The following SHANK2 variants were observed in gnomAD, a reference collection of about 807,000 sequenced individuals.
The protein encoded by SHANK2 is SH3 and multiple ankyrin repeat domains 2.
SHANK2 carries 43 observed loss-of-function variants against 133.7 expected under a neutral mutation model. The ratio of observed to expected loss-of-function variants is 0.32; its 90% CI spans 0.25 to 0.41. SHANK2 has a LOEUF of 0.41. Ranked by LOEUF, SHANK2 falls within the 10% of genes least tolerant of loss-of-function variation. SHANK2 has a pLI of 1.00. For missense variants in SHANK2, 1,994 were observed against 2,235.8 expected, an observed-to-expected ratio of 0.89 and a Z score of 2.18; for synonymous variants, 1,017 against 952.8, an observed-to-expected ratio of 1.07 and a Z score of -1.24.
At chr11:70,818,692 T>C (rs143141033) in intron 12 of SHANK2, among the ~76,000 whole-genome samples, 316 of 152,298 alleles carry the variant, frequency 2.1e-3, no homozygotes, top group African/African-American at 7.4e-3. Context: ...TGGACCTCCT[T>C]GTTTGGCTCT....
rs185872393 is a variant in SHANK2, at chr11:70,807,514, C to T, written c.1494-343G>A. 4.6e-3 allele frequency among the ~76,000 whole-genome samples: 695 copies of T among 152,236 alleles called. 13 individuals carry two copies. The South Asian group carries it at 0.062, about 14-fold the overall frequency. ...AGGGTGGTCCAAACATACAATGGAA[C>T]GCTGTTTAGCCTCCATCAGGAATTA... On this transcript the variant is annotated intron_variant, in intron 12 of 25. Coordinates refer to ENST00000601538, the MANE Select transcript of SHANK2 (RefSeq NM_012309.5). The surrounding 1 kb of genome is among the most constrained non-coding windows in gnomAD (Gnocchi z 4.8).
intron 17 of SHANK2, among the ~76,000 whole-genome samples, chr11:70,612,528 G>A: frequency 6.6e-6 from 1 of 152,110 alleles, no homozygotes; most frequent in East Asian, 1.9e-4. Context: ...TTAGATCCAT[G>A]CATACTTTCT....
chr11:71,222,172 G>A (rs1477232525), intron 2 of SHANK2, among the ~76,000 whole-genome samples: 1 of 147,818 alleles, frequency 6.8e-6, no homozygotes, highest in South Asian at 2.3e-4. Flanking sequence ...CAGCCGAGGG[G>A]ACTGATCTTC....
At chr11:71,245,945 G>A (rs947984813) in intron 1 of SHANK2, among the ~76,000 whole-genome samples, 2 of 152,180 alleles carry the variant, frequency 1.3e-5, no homozygotes, top group Non-Finnish European at 2.9e-5. Flanking sequence ...CGGGAAGAGG[G>A]GAGTGGAGCA....
chr11:70,680,487 A>G (rs1226656128), intron 15 of SHANK2, among the ~76,000 whole-genome samples: 2 of 151,996 alleles, frequency 1.3e-5, no homozygotes, highest in Non-Finnish European at 2.9e-5. Context: ...CTCCGCTCCC[A>G]TCGTCCCAGC....
At chr11:70,536,450 G>A (rs1241787873) in intron 17 of SHANK2, among the ~76,000 whole-genome samples, 3 of 152,334 alleles carry the variant, frequency 2.0e-5, no homozygotes, top group Admixed American at 6.5e-5. Flanking sequence ...CCCCACCCAG[G>A]CTGGCGAGCT....
chr11:71,108,597 A>C (rs1320278683), intron 6 of SHANK2, among the ~76,000 whole-genome samples: 1 of 152,198 alleles, frequency 6.6e-6, no homozygotes, highest in Non-Finnish European at 1.5e-5. Flanking sequence ...CTCCAGCGGA[A>C]GCCCAGCCTT....
At chr11:70,928,444 T>A (rs1950458460) in intron 10 of SHANK2, among the ~76,000 whole-genome samples, 1 of 152,036 alleles carries the variant, frequency 6.6e-6, no homozygotes, top group Non-Finnish European at 1.5e-5. Flanking sequence ...TTTTTTGACA[T>A]GAGAAACAGA....
At chr11:70,803,869 T>G (rs1555051249) in intron 13 of SHANK2, among the ~76,000 whole-genome samples, 1 of 151,966 alleles carries the variant, frequency 6.6e-6, no homozygotes, top group Admixed American at 6.6e-5. Context: ...CACCTATTTT[T>G]GGGCACCCCT....
intron 1 of SHANK2, among the ~76,000 whole-genome samples, chr11:71,230,541 C>T (rs1449212934): frequency 6.6e-6 from 1 of 150,974 alleles, no homozygotes; most frequent in Admixed American, 6.6e-5. Context: ...TGCACTCCAG[C>T]CTGGGCAACA....
rs2058606062 is a variant in SHANK2, at chr11:70,472,345, G to C, written c.*524C>G. The C allele has an allele frequency of 5.9e-6, 1 of 168,778 alleles. No homozygotes were observed. Among genetic ancestry groups the C allele is most frequent in the Non-Finnish European group, 1.3e-5 (1 of 77,842 alleles). 10.5% of individuals were successfully genotyped at this position (168,778 alleles called of 1,614,324 possible). A position where few individuals can be genotyped will look rare whatever the true frequency, so the allele number is the denominator to read the frequency against. On this transcript the variant is annotated 3_prime_UTR_variant, in exon 26 of 26. Transcript: ENST00000601538. The surrounding 1 kb of genome is among the most constrained non-coding windows in gnomAD (Gnocchi z 4.4). ...ATGGGGCACTGGACAAATGCATCTG[G>C]GAGCATCTCACTGCAAGCCAAGTGC...
At chr11:70,841,350 G>A (rs1449534592) in intron 11 of SHANK2, among the ~76,000 whole-genome samples, 22 of 152,332 alleles carry the variant, frequency 1.4e-4, no homozygotes, top group African/African-American at 5.1e-4. Flanking sequence ...GGCATGGAGG[G>A]CAACAGCTCA....
At chr11:70,628,205 C>T (rs2060930240) in intron 17 of SHANK2, among the ~76,000 whole-genome samples, 1 of 152,170 alleles carries the variant, frequency 6.6e-6, no homozygotes, top group African/African-American at 2.4e-5. Flanking sequence ...GGTGATCCAC[C>T]CGCTTCAGCC....
chr11:70,478,430 T>C (rs2058691574), intron 25 of SHANK2, among the ~76,000 whole-genome samples: 1 of 152,222 alleles, frequency 6.6e-6, no homozygotes, highest in African/African-American at 2.4e-5. Context: ...TGTCAACATA[T>C]GTTCTCTCCA....
At chr11:70,515,331 G>A (rs189243111) in intron 17 of SHANK2, among the ~76,000 whole-genome samples, 32 of 152,248 alleles carry the variant, frequency 2.1e-4, no homozygotes, top group South Asian at 2.1e-4. Flanking sequence ...GAACCACTGC[G>A]CCTGGCCATT....
intron 8 of SHANK2, among the ~76,000 whole-genome samples, chr11:71,082,187 G>A (rs1951309993): frequency 6.6e-6 from 1 of 152,204 alleles, no homozygotes; most frequent in African/African-American, 2.4e-5. Flanking sequence ...CTCCTGGCTG[G>A]CACTGTGGAG....
chr11:70,782,677 C>T (rs562232887), intron 14 of SHANK2, among the ~76,000 whole-genome samples: 12 of 152,328 alleles, frequency 7.9e-5, no homozygotes, highest in Non-Finnish European at 1.3e-4. Context: ...CAAATCAATA[C>T]GAAACAGACA....
intron 17 of SHANK2, among the ~76,000 whole-genome samples, chr11:70,630,489 C>T (rs887579588): frequency 2.0e-5 from 3 of 152,184 alleles, no homozygotes; most frequent in African/African-American, 7.2e-5. Flanking sequence ...CCCTAAAATC[C>T]ACGTCTATGT....
rs376353269 is a variant in SHANK2, at chr11:70,800,997, G to A, written c.1664-2441C>T. Among the ~76,000 whole-genome samples the A allele has an allele frequency of 1.6e-4, 25 of 152,308 alleles. No homozygotes were observed. The South Asian group carries it at 5.0e-3, about 30-fold the overall frequency. ...AAGCTCTGCCCTATCTTAGCTATGTGATGCTTGGGAAAACTCGGTCTCTCT... is the reference window on the plus strand; with the variant it reads ...AAGCTCTGCCCTATCTTAGCTATGTAATGCTTGGGAAAACTCGGTCTCTCT... On this transcript the variant is annotated intron_variant, in intron 13 of 25. Transcript: ENST00000601538.
Sources: gnomAD v4.1 joint callset for allele counts (sites outside exome capture counted in the v4.1 genomes callset) on GRCh38, gnomAD v4.1.1 for gene constraint, Gnocchi (gnomAD v3.1) non-coding constraint, MANE v1.5 for transcripts, NCBI Gene and HGNC (gene_info 2026-07-23, HGNC 2026-07-21) for gene names.